ARL15: variants seen among roughly 807,000 people sequenced by gnomAD.
The protein encoded by ARL15 is ADP-ribosylation factor-like protein 15.
A neutral mutation model predicts 25.2 loss-of-function variants in ARL15; 19 were observed. That is an observed-to-expected ratio of 0.75 (90% confidence interval 0.53 to 1.10). ARL15 has a LOEUF of 1.10. Among genes scored for constraint, ARL15 ranks in the 50% least tolerant of loss-of-function variants. The pLI is 0.00. For missense variants in ARL15, 220 were observed against 246.0 expected (o/e 0.89, Z 0.71); for synonymous variants, 94 against 86.8 (o/e 1.08, Z -0.46).
chr5:54,204,933 CT>C (rs5867921), intron 1 of ARL15, among the ~76,000 whole-genome samples: 2 of 138,160 alleles, frequency 1.4e-5, no homozygotes, highest in East Asian at 2.1e-4. Flanking sequence ...ATTCCCTTGC[CT>C]TTTTTTTTTT....
At chr5:54,215,582 A>G (rs1256309025) in intron 1 of ARL15, among the ~76,000 whole-genome samples, 7 of 129,668 alleles carry the variant, frequency 5.4e-5, no homozygotes, top group Non-Finnish European at 1.1e-4. Context: ...CAGCGAAGAA[A>G]CCCCAGACTT....
At chr5:53,909,739 C>T (rs1340392030) in intron 4 of ARL15, among the ~76,000 whole-genome samples, 1 of 151,960 alleles carries the variant, frequency 6.6e-6, no homozygotes, top group Non-Finnish European at 1.5e-5. Context: ...TAAAACAAAA[C>T]ATAAAAACAT....
Position 54,114,406 on chromosome 5 carries a change from GAAAA to G in ARL15, c.254-1000_254-997del, listed in dbSNP as rs1171369744. Among the ~76,000 whole-genome samples the G allele has an allele frequency of 1.5e-4, 11 of 74,474 alleles. 1 individual carries two copies. The highest frequency in any genetic ancestry group is 5.7e-4 in the African/African-American group (10 of 17,550). The allele number at this position is 74,474 out of a possible 152,430, so 48.9% of individuals were successfully genotyped here. Reference sequence around the variant, plus strand: ...GCAACACAGCAAGGCTCCATCTCAAGAAAAAAAAAAAAAAAAGCAACACCACATG... The same window carrying G: ...GCAACACAGCAAGGCTCCATCTCAAGAAAAAAAAAAAAGCAACACCACATG... On this transcript the variant is annotated intron_variant, in intron 3 of 4. Transcript: ENST00000504924.
chr5:54,310,565 G>C lies in ARL15; in HGVS notation c.-86C>G, dbSNP rs1346935744. 4.2e-6 allele frequency: 6 copies of C among 1,438,478 alleles called. No homozygotes were observed. The highest frequency in any genetic ancestry group is 5.7e-6 in the Non-Finnish European group (6 of 1,056,114). 89.1% of individuals were successfully genotyped at this position (1,438,478 alleles called of 1,614,324 possible). A position where few individuals can be genotyped will look rare whatever the true frequency, so the allele number is the denominator to read the frequency against. On this transcript the variant is annotated 5_prime_UTR_variant, in exon 1 of 5. Coordinates refer to ENST00000504924, the MANE Select transcript of ARL15 (RefSeq NM_019087.3). The stretch of plus-strand genomic sequence containing the variant: ...CTGCGAGCGAGCAGCTCCTGAAAAA[G>C]CCAGCAACAGCGAAAATAGCCGAAA...
intron 1 of ARL15, among the ~76,000 whole-genome samples, chr5:54,298,348 C>T (rs140909962): frequency 1.3e-5 from 2 of 152,282 alleles, no homozygotes; most frequent in East Asian, 3.9e-4. Flanking sequence ...CGGTCTGCAA[C>T]TTCAGCACGA....
chr5:53,980,165 A>C (rs1351312104), intron 4 of ARL15, among the ~76,000 whole-genome samples: 1 of 152,224 alleles, frequency 6.6e-6, no homozygotes. Context: ...TTTTGCAAAA[A>C]TACCAAAGCA....
intron 4 of ARL15, among the ~76,000 whole-genome samples, chr5:54,053,240 C>A (rs973475374): frequency 2.9e-4 from 39 of 135,246 alleles, no homozygotes; most frequent in Middle Eastern, 3.5e-3. Context: ...ACAACAACAA[C>A]AAACAACAAC....
At chr5:54,221,825 GCACACACACACACACACACA>G (rs3035310) in intron 1 of ARL15, among the ~76,000 whole-genome samples, 1 of 142,120 alleles carries the variant, frequency 7.0e-6, no homozygotes, top group Non-Finnish European at 1.5e-5. Flanking sequence ...CAAGAAACAT[GCACACACACACACACACACA>G]CACACACACA....
At chr5:54,235,094 T>C (rs1188830924) in intron 1 of ARL15, among the ~76,000 whole-genome samples, 3 of 152,186 alleles carry the variant, frequency 2.0e-5, no homozygotes, top group East Asian at 1.9e-4. Flanking sequence ...AGCATTAACA[T>C]GGATAAAGTT....
chr5:54,208,062 C>G (rs1255148361), intron 1 of ARL15, among the ~76,000 whole-genome samples: 1 of 152,192 alleles, frequency 6.6e-6, no homozygotes, highest in Non-Finnish European at 1.5e-5. Flanking sequence ...CACTGAGGCC[C>G]AGGCTTACAT....
intron 1 of ARL15, among the ~76,000 whole-genome samples, chr5:54,287,809 A>G (rs374512380): frequency 2.0e-5 from 3 of 152,300 alleles, no homozygotes; most frequent in East Asian, 3.9e-4. Flanking sequence ...CACAAGCAAG[A>G]TGCCACAGCT....
rs1752107233 is a variant in ARL15, at chr5:54,090,862, C to A, written c.462+22340G>T. ...ATATGCACAACACAACCACAAGGGG[C>A]TATAACAAGACATCACGCTTAGGGC... On this transcript the variant is annotated intron_variant, in intron 4 of 4. Transcript: ENST00000504924. Among the ~76,000 whole-genome samples the A allele has an allele frequency of 1.3e-5, 2 of 152,090 alleles. 1 individual carries two copies. The highest frequency in any genetic ancestry group is 4.1e-4 in the South Asian group (2 of 4,820).
intron 1 of ARL15, among the ~76,000 whole-genome samples, chr5:54,260,648 C>A (rs1003238766): frequency 1.3e-5 from 2 of 152,122 alleles, no homozygotes; most frequent in African/African-American, 4.8e-5. Flanking sequence ...TGAAAAAATT[C>A]TTTATATAAT....
chr5:54,267,630 A>G (rs1041703937), intron 1 of ARL15, among the ~76,000 whole-genome samples: 1 of 152,110 alleles, frequency 6.6e-6, no homozygotes, highest in African/African-American at 2.4e-5. Flanking sequence ...TTTGAAAAAC[A>G]TTACTTTTTT....
intron 4 of ARL15, among the ~76,000 whole-genome samples, chr5:54,066,038 T>C (rs1751221539): frequency 6.6e-6 from 1 of 152,234 alleles, no homozygotes. Context: ...GCTAGATGTT[T>C]TAAATACATT....
chr5:54,133,939 T>C (rs1051382745), intron 3 of ARL15, among the ~76,000 whole-genome samples: 1 of 152,096 alleles, frequency 6.6e-6, no homozygotes, highest in African/African-American at 2.4e-5. Context: ...AAGAGTAACT[T>C]TGAAAACAGT....
At chr5:54,229,094 A>T (rs1357630447) in intron 1 of ARL15, among the ~76,000 whole-genome samples, 1 of 152,088 alleles carries the variant, frequency 6.6e-6, no homozygotes, top group African/African-American at 2.4e-5. Flanking sequence ...TGCTTGACTG[A>T]GTCGTCTCAA....
At chr5:54,292,047 C>G (rs1319753880) in intron 1 of ARL15, among the ~76,000 whole-genome samples, 3 of 152,212 alleles carry the variant, frequency 2.0e-5, no homozygotes, top group African/African-American at 7.2e-5. Context: ...TTGGGGTTTT[C>G]TGTAAGTCCC....
intron 4 of ARL15, among the ~76,000 whole-genome samples, chr5:54,108,911 T>TG (rs35999927): frequency 0.012 from 1,782 of 152,176 alleles, 25 homozygotes; most frequent in Middle Eastern, 0.041. Context: ...AAACTCTTCA[T>TG]GCACAGAGTA....
Sources: gnomAD v4.1 joint callset for allele counts (sites outside exome capture counted in the v4.1 genomes callset) on GRCh38, gnomAD v4.1.1 for gene constraint, MANE v1.5 for transcripts, NCBI Gene and HGNC (gene_info 2026-07-23, HGNC 2026-07-21) for gene names.